Variants in TRPM3 observed in about 807,000 individuals in gnomAD.
TRPM3 encodes the protein long transient receptor potential channel 3.
In TRPM3, 77 loss-of-function variants were observed where a neutral mutation model predicts 181.2. That is an observed-to-expected ratio of 0.42 (90% CI 0.35 to 0.51). The LOEUF is 0.51. Ranked by LOEUF, TRPM3 falls within the 20% of genes least tolerant of loss-of-function variation. TRPM3 has a pLI of 0.01. For missense variants in TRPM3, 1,759 were observed against 2,196.7 expected (o/e 0.80, Z 3.98); for synonymous variants, 745 against 796.4 (o/e 0.94, Z 1.09).
intron 9 of TRPM3, among the ~76,000 whole-genome samples, chr9:70,665,187 A>G (rs1351756092): frequency 1.4e-5 from 2 of 138,298 alleles, no homozygotes; most frequent in Non-Finnish European, 3.1e-5. Flanking sequence ...AGGAGGTGGT[A>G]ATTCAGCATT....
chr9:71,313,083 A>T (rs949724266), intron 1 of TRPM3, among the ~76,000 whole-genome samples: 1 of 152,156 alleles, frequency 6.6e-6, no homozygotes, highest in Admixed American at 6.5e-5. Context: ...CAATTAACAA[A>T]TGTTAATGCA....
At chr9:71,306,724 A>G (rs1198122353) in intron 1 of TRPM3, among the ~76,000 whole-genome samples, 1 of 152,162 alleles carries the variant, frequency 6.6e-6, no homozygotes, top group African/African-American at 2.4e-5. Context: ...AAATACAAAA[A>G]TTAGCTGGGT....
At chr9:71,319,940 T>G (rs530421893) in intron 1 of TRPM3, among the ~76,000 whole-genome samples, 1 of 152,298 alleles carries the variant, frequency 6.6e-6, no homozygotes, top group African/African-American at 2.4e-5. Flanking sequence ...AGACTTTATA[T>G]CTTTGTGCTT....
chr9:70,758,131 G>C (rs1027106174), intron 8 of TRPM3, among the ~76,000 whole-genome samples: 2 of 152,152 alleles, frequency 1.3e-5, no homozygotes, highest in Non-Finnish European at 2.9e-5. Context: ...CTTCAGCAAA[G>C]TCTCAGGATT....
intron 1 of TRPM3, among the ~76,000 whole-genome samples, chr9:71,209,477 A>C (rs2079343311): frequency 6.6e-6 from 1 of 152,198 alleles, no homozygotes; most frequent in African/African-American, 2.4e-5. Context: ...AAAATTTCAA[A>C]GTCATCTCAA....
At chr9:71,000,031 T>A (rs968575036) in intron 1 of TRPM3, among the ~76,000 whole-genome samples, 9 of 152,156 alleles carry the variant, frequency 5.9e-5, no homozygotes, top group Non-Finnish European at 1.3e-4. Flanking sequence ...ACCTCACTTA[T>A]CCCAAGAAAG....
Position 71,442,495 on chromosome 9 carries a change from G to T in TRPM3, c.183+4158C>A, listed in dbSNP as rs115268168. On this transcript the variant is annotated intron_variant, in intron 1 of 24. Coordinates refer to the TRPM3 transcript ENST00000357533. ...AAGGGGGGATATGGAGGAGAAAAAA[G>T]AATATAAATCCATTTATTACCACTA... is the stretch of plus-strand genomic sequence containing the variant. Among the ~76,000 whole-genome samples the T allele has an allele frequency of 4.7e-3, 709 of 152,132 alleles. 5 individuals carry two copies. The highest frequency in any genetic ancestry group is 0.016 in the African/African-American group (678 of 41,500).
intron 1 of TRPM3, among the ~76,000 whole-genome samples, chr9:71,170,236 G>A (rs2076783175): frequency 6.6e-6 from 1 of 152,042 alleles, no homozygotes; most frequent in African/African-American, 2.4e-5. Flanking sequence ...AGTTACAGCA[G>A]AATAGAGAAC....
intron 9 of TRPM3, among the ~76,000 whole-genome samples, chr9:70,658,672 A>G (rs1462321541): frequency 6.6e-6 from 1 of 152,064 alleles, no homozygotes; most frequent in Non-Finnish European, 1.5e-5. Context: ...ACTTTTTGTC[A>G]TCCATGGACA....
intron 1 of TRPM3, among the ~76,000 whole-genome samples, chr9:70,899,869 C>T (rs2096358269): frequency 6.6e-6 from 1 of 152,136 alleles, no homozygotes; most frequent in Admixed American, 6.5e-5. Flanking sequence ...AATGAATGGA[C>T]CAATCAACCA....
At chr9:70,641,394 T>G (rs897098512) in intron 9 of TRPM3, among the ~76,000 whole-genome samples, 1 of 152,202 alleles carries the variant, frequency 6.6e-6, no homozygotes, top group African/African-American at 2.4e-5. Flanking sequence ...GTATTTTGCA[T>G]GGGGAGGGTG....
intron 1 of TRPM3, among the ~76,000 whole-genome samples, chr9:71,371,881 G>A (rs1485958985): frequency 6.6e-6 from 1 of 152,128 alleles, no homozygotes. Flanking sequence ...TGTGCAGGAT[G>A]TCCAAGTTTG....
chr9:71,196,894 G>A (rs1031488644), intron 1 of TRPM3, among the ~76,000 whole-genome samples: 6 of 151,768 alleles, frequency 4.0e-5, no homozygotes, highest in Non-Finnish European at 8.8e-5. Flanking sequence ...TATACTTTAA[G>A]TTTTAGGGTA....
intron 8 of TRPM3, among the ~76,000 whole-genome samples, chr9:70,754,762 A>G (rs753949404): frequency 6.6e-6 from 1 of 152,218 alleles, no homozygotes; most frequent in Non-Finnish European, 1.5e-5. Flanking sequence ...AAGGGGAATC[A>G]AAAGAAACTT....
chr9:70,672,154 A>T (rs1237376341), intron 9 of TRPM3, among the ~76,000 whole-genome samples: 1 of 151,972 alleles, frequency 6.6e-6, no homozygotes, highest in Non-Finnish European at 1.5e-5. Flanking sequence ...GGAACCAAAA[A>T]CCCTGACATG....
chr9:70,993,802 AAAAG>A (rs57430823), intron 1 of TRPM3, among the ~76,000 whole-genome samples: 50,834 of 102,142 alleles, frequency 0.5, 12,565 homozygotes, highest in African/African-American at 0.6. Context: ...AAAAAAAAAA[AAAAG>A]AAAGAAAGAA....
rs753777667 is a variant in TRPM3 at position 70,888,362 on chromosome 9, G to GGGGTGT, written c.178-23852_178-23851insACACCC. ...TTTTTTGCTCTTGCTTTTATTTTGG[G>GGGGTGT]GTGTGTGTGTGTGTGTGTGTGTGTG... On this transcript the variant is annotated intron_variant, in intron 1 of 25. Coordinates refer to ENST00000677713, the MANE Select transcript of TRPM3 (RefSeq NM_001366145.2). Among the ~76,000 whole-genome samples the GGGGTGT allele has an allele frequency of 1.5e-3, 216 of 143,730 alleles. 1 individual carries two copies. Among genetic ancestry groups the GGGGTGT allele is most frequent in the African/African-American group, 4.5e-3 (175 of 38,578 alleles). 94.3% of individuals were successfully genotyped at this position (143,730 alleles called of 152,430 possible).
intron 1 of TRPM3, among the ~76,000 whole-genome samples, chr9:71,110,297 T>C (rs1414978447): frequency 6.6e-6 from 1 of 152,220 alleles, no homozygotes; most frequent in Non-Finnish European, 1.5e-5. Context: ...GCCTCTCTTG[T>C]GTACAGCTGT....
chr9:70,762,314 G>A (rs890589269), intron 7 of TRPM3, among the ~76,000 whole-genome samples: 2 of 152,200 alleles, frequency 1.3e-5, no homozygotes, highest in African/African-American at 4.8e-5. Flanking sequence ...ACAGTGAACA[G>A]TAAGACAGTA....
Sources: gnomAD v4.1 joint callset for allele counts (sites outside exome capture counted in the v4.1 genomes callset) on GRCh38, gnomAD v4.1.1 for gene constraint, MANE v1.5 for transcripts, NCBI Gene and HGNC (gene_info 2026-07-23, HGNC 2026-07-21) for gene names.